LRMDA: variants seen among roughly 807,000 people sequenced by gnomAD.
LRMDA encodes the protein leucine rich melanocyte differentiation associated.
Under a neutral mutation model 29.8 loss-of-function variants are expected in LRMDA, and 18 were observed. That is an observed-to-expected ratio of 0.60 (90% CI 0.42 to 0.90). The LOEUF (loss-of-function observed/expected upper bound fraction) is 0.90. Among genes scored for constraint, LRMDA ranks in the 40% least tolerant of loss-of-function variants. The pLI is 0.00. For synonymous variants in LRMDA, 125 were observed against 109.4 expected (o/e 1.14, Z -0.89); for missense variants, 273 against 273.9 (o/e 1.00, Z 0.02).
chr10:75,844,786 C>T lies in LRMDA; in HGVS notation c.132-191222C>T, dbSNP rs147978201. Among the ~76,000 whole-genome samples the T allele has an allele frequency of 2.9e-3, 444 of 152,286 alleles. 4 individuals carry two copies. The highest frequency in any genetic ancestry group is 9.3e-3 in the African/African-American group (387 of 41,572). On this transcript the variant is annotated intron_variant, in intron 2 of 6. Transcript: ENST00000611255. ...CACCTGTTGTCAATGCATTTGAAAA[C>T]GGCATTTTTCATTTGACATACAGTA...
chr10:76,072,984 C>A (rs1848898293), intron 5 of LRMDA, among the ~76,000 whole-genome samples: 1 of 152,242 alleles, frequency 6.6e-6, no homozygotes, highest in South Asian at 2.1e-4. Context: ...AACAGCCAGT[C>A]TGGCAGTGGT....
chr10:75,947,957 C>A (rs1846505310), intron 2 of LRMDA, among the ~76,000 whole-genome samples: 2 of 152,138 alleles, frequency 1.3e-5, no homozygotes, highest in South Asian at 4.1e-4. Flanking sequence ...TTGTTGAGGG[C>A]AGTGATATTA....
At chr10:75,835,951 TTTA>T in intron 2 of LRMDA, among the ~76,000 whole-genome samples, 1 of 152,198 alleles carries the variant, frequency 6.6e-6, no homozygotes, top group East Asian at 1.9e-4. Context: ...TTATGGGCCT[TTTA>T]CATACAGTAG....
At chr10:75,953,373 C>G (rs1330381364) in intron 2 of LRMDA, among the ~76,000 whole-genome samples, 1 of 152,186 alleles carries the variant, frequency 6.6e-6, no homozygotes, top group African/African-American at 2.4e-5. Context: ...AGCCACCATG[C>G]CTAGCAGGAA....
chr10:76,529,976 C>T lies in LRMDA; in HGVS notation c.602-27233C>T, dbSNP rs141198979. Reference sequence around the variant, plus strand: ...AAGTCTTTGAGGCCAAGCATAAGGGCTGATTTGCCAATGGGACTTAGTTTC... The same window carrying T: ...AAGTCTTTGAGGCCAAGCATAAGGGTTGATTTGCCAATGGGACTTAGTTTC... On this transcript the variant is annotated intron_variant, in intron 6 of 6. Transcript: ENST00000611255. 7.2e-5 allele frequency among the ~76,000 whole-genome samples: 11 copies of T among 152,226 alleles called. No individual in the cohort carries two copies. The East Asian group carries it at 1.7e-3, about 24-fold the overall frequency.
intron 2 of LRMDA, among the ~76,000 whole-genome samples, chr10:76,032,692 G>A (rs1011191817): frequency 6.6e-6 from 1 of 152,104 alleles, no homozygotes; most frequent in East Asian, 1.9e-4. Flanking sequence ...GAGGCAGGCA[G>A]CCTGCAGGGA....
chr10:75,844,386 G>T (rs1844595955), intron 2 of LRMDA, among the ~76,000 whole-genome samples: 1 of 152,122 alleles, frequency 6.6e-6, no homozygotes, highest in African/African-American at 2.4e-5. Flanking sequence ...TGCTAAAGCT[G>T]CCAGTTTTTA....
intron 2 of LRMDA, among the ~76,000 whole-genome samples, chr10:75,452,232 G>A (rs994014509): frequency 6.6e-6 from 1 of 152,158 alleles, no homozygotes; most frequent in Admixed American, 6.5e-5. Context: ...CTGAGGCTGC[G>A]TGGAAAGTTT....
intron 6 of LRMDA, among the ~76,000 whole-genome samples, chr10:76,518,952 C>T (rs1843091755): frequency 6.6e-6 from 1 of 152,124 alleles, no homozygotes; most frequent in African/African-American, 2.4e-5. Context: ...CTAAGTATCA[C>T]ATGTTCTCTG....
chr10:75,966,670 G>A (rs1444236293), intron 2 of LRMDA, among the ~76,000 whole-genome samples: 1 of 152,188 alleles, frequency 6.6e-6, no homozygotes, highest in Admixed American at 6.5e-5. Context: ...AGTGCTTTAG[G>A]AGCAGTGGAC....
rs577592216 is a variant in LRMDA, at chr10:75,760,905, A to G, written c.132-275103A>G. Among the ~76,000 whole-genome samples the G allele has an allele frequency of 3.3e-5, 5 of 152,316 alleles. No homozygotes were observed. In the South Asian group the frequency reaches 1.0e-3, roughly 32 times the overall value. On this transcript the variant is annotated intron_variant, in intron 2 of 6. Transcript: ENST00000611255. The stretch of plus-strand genomic sequence containing the variant: ...TTGAGTCACATTGTGAGCTGTGGTG[A>G]GGAGAGATGCCTCAAGTGTGTGCTG...
In LRMDA at chr10:75,472,879, AG is replaced by A. The variant is rs201328140; in HGVS notation, c.131+34387del. Among the ~76,000 whole-genome samples the A allele has an allele frequency of 2.0e-5, 3 of 152,342 alleles. No individual in the cohort carries two copies. The East Asian group carries it at 5.8e-4, about 29-fold the overall frequency. The stretch of plus-strand genomic sequence containing the variant: ...TCTTGCTGAGGTCCTAACAGGAAGC[AG>A]GAGGGTGGGCGTGGCCAGATCTTAG... On this transcript the variant is annotated intron_variant, in intron 2 of 6. Coordinates refer to ENST00000611255, the MANE Select transcript of LRMDA (RefSeq NM_001305581.2).
intron 5 of LRMDA, among the ~76,000 whole-genome samples, chr10:76,276,006 A>AATCTATCTATAT (rs1840126709): frequency 1.4e-5 from 2 of 146,724 alleles, no homozygotes; most frequent in African/African-American, 2.6e-5. Context: ...CAATCTAGTG[A>AATCTATCTATAT]ATCTATCTAT....
intron 5 of LRMDA, among the ~76,000 whole-genome samples, chr10:76,171,317 T>G (rs1241713490): frequency 1.3e-5 from 2 of 152,130 alleles, no homozygotes; most frequent in Non-Finnish European, 2.9e-5. Flanking sequence ...TTTTGTATAT[T>G]TAATAGAGAT....
intron 6 of LRMDA, among the ~76,000 whole-genome samples, chr10:76,444,951 AT>A (rs1842339702): frequency 6.6e-6 from 1 of 152,124 alleles, no homozygotes; most frequent in Non-Finnish European, 1.5e-5. Flanking sequence ...ATATATGTAT[AT>A]TTATATCCAT....
At chr10:75,987,797 A>G (rs1275073926) in intron 2 of LRMDA, among the ~76,000 whole-genome samples, 2 of 152,182 alleles carry the variant, frequency 1.3e-5, no homozygotes, top group Admixed American at 6.5e-5. Context: ...CCAGGGAGGG[A>G]GCACTGGGCA....
chr10:76,530,353 A>C (rs998222013), intron 6 of LRMDA, among the ~76,000 whole-genome samples: 3 of 152,162 alleles, frequency 2.0e-5, no homozygotes, highest in African/African-American at 7.2e-5. Flanking sequence ...ACTGCATCAT[A>C]AATTGATTTG....
At chr10:75,766,846 A>C (rs1843175690) in intron 2 of LRMDA, among the ~76,000 whole-genome samples, 2 of 151,522 alleles carry the variant, frequency 1.3e-5, no homozygotes, top group Admixed American at 6.6e-5. Context: ...CCCTGTGTCC[A>C]TGTGTTCTCC....
At chr10:75,491,194 T>C (rs1284962947) in intron 2 of LRMDA, among the ~76,000 whole-genome samples, 1 of 152,250 alleles carries the variant, frequency 6.6e-6, no homozygotes, top group Non-Finnish European at 1.5e-5. Context: ...CGTGTCATTA[T>C]TGCATTGAGT....
Sources: gnomAD v4.1 joint callset for allele counts (sites outside exome capture counted in the v4.1 genomes callset) on GRCh38, gnomAD v4.1.1 for gene constraint, MANE v1.5 for transcripts, NCBI Gene and HGNC (gene_info 2026-07-23, HGNC 2026-07-21) for gene names.